Variants in ABCG1 observed in about 807,000 individuals in gnomAD.
ABCG1 encodes the protein ATP-binding cassette sub-family G member 1.
In ABCG1, 29 loss-of-function variants were observed where a neutral mutation model predicts 69.2. The ratio of observed to expected loss-of-function variants is 0.42; its 90% CI spans 0.31 to 0.57. The LOEUF (loss-of-function observed/expected upper bound fraction) is 0.57. Among genes scored for constraint, ABCG1 ranks in the 20% least tolerant of loss-of-function variants. The pLI, the probability that ABCG1 is intolerant of heterozygous loss-of-function variation, is 0.15. For missense variants in ABCG1, 718 were observed against 898.1 expected (o/e 0.80, Z 2.56); for synonymous variants, 370 against 374.8 (o/e 0.99, Z 0.15).
chr21:42,242,837 A>G (rs2068071408), intron 2 of ABCG1, among the ~76,000 whole-genome samples: 1 of 152,130 alleles, frequency 6.6e-6, no homozygotes, highest in Admixed American at 6.5e-5. Flanking sequence ...GAGCTCCACC[A>G]TGGCCCTGAG....
intron 2 of ABCG1, among the ~76,000 whole-genome samples, chr21:42,240,714 C>A (rs901985181): frequency 6.6e-6 from 1 of 152,270 alleles, no homozygotes; most frequent in Non-Finnish European, 1.5e-5. Flanking sequence ...TCCCAAAATG[C>A]TGGGATTACA....
intron 2 of ABCG1, among the ~76,000 whole-genome samples, chr21:42,230,863 A>T (rs989248059): frequency 6.6e-6 from 1 of 152,228 alleles, no homozygotes; most frequent in African/African-American, 2.4e-5. Context: ...GAAACCTGTG[A>T]CATGAGGCTC....
chr21:42,229,458 G>A (rs2067869057), intron 2 of ABCG1, among the ~76,000 whole-genome samples: 2 of 152,192 alleles, frequency 1.3e-5, no homozygotes, highest in African/African-American at 2.4e-5. Flanking sequence ...AGTGGCTCAC[G>A]CCTGTAATCC....
rs1181051194 is a variant in ABCG1 at position 42,284,590 on chromosome 21, G to A, written c.765G>A (p.Val255=). Residue 255 remains valine, a synonymous_variant, in exon 7 of 15, where the codon GTG becomes GTA. Coordinates refer to ENST00000398449, the MANE Select transcript of ABCG1 (RefSeq NM_016818.3). ...SGLDSASCFQ[V]VSLMKGLAQG... ...TGGACAGCGCCTCCTGCTTCCAGGTGGTCTCGCTGATGAAAGGGCTCGCTC... is the reference window on the plus strand; with the variant it reads ...TGGACAGCGCCTCCTGCTTCCAGGTAGTCTCGCTGATGAAAGGGCTCGCTC... The A allele has an allele frequency of 2.2e-5, 35 of 1,613,748 alleles. No individual in the cohort carries two copies. The highest frequency in any genetic ancestry group is 2.9e-5 in the Non-Finnish European group (34 of 1,180,034).
At chr21:42,217,155 C>A (rs373789209), upstream of ABCG1, among the ~76,000 whole-genome samples, 4 of 152,136 alleles carry the variant, frequency 2.6e-5, no homozygotes, top group Non-Finnish European at 5.9e-5. Context: ...GGCCATCCAC[C>A]GGCTGAAGCC....
intron 14 of ABCG1, 110 bp downstream of exon 14, chr21:42,294,770 C>A: frequency 2.1e-6 from 2 of 932,382 alleles, no homozygotes; most frequent in East Asian, 2.4e-5. Flanking sequence ...TGGCCAAGAG[C>A]AGATTACACA....
At chr21:42,228,994 C>T (rs555401071) in intron 2 of ABCG1, among the ~76,000 whole-genome samples, 3 of 152,360 alleles carry the variant, frequency 2.0e-5, no homozygotes, top group African/African-American at 7.2e-5. Flanking sequence ...CCACACGGGT[C>T]GCCACCCTCC....
intron 2 of ABCG1, among the ~76,000 whole-genome samples, chr21:42,235,011 C>CG (rs2067958346): frequency 6.6e-6 from 1 of 152,118 alleles, no homozygotes; most frequent in African/African-American, 2.4e-5. Flanking sequence ...CAGCCCCGAG[C>CG]GGGGTCGCAG....
At chr21:42,277,087 C>A in intron 5 of ABCG1, 142 bp downstream of exon 5, 1 of 825,296 alleles carries the variant, frequency 1.2e-6, no homozygotes, top group Non-Finnish European at 2.0e-6. Context: ...GGACAGGCAA[C>A]ATTTCAGGGA....
chr21:42,248,275 T>C (rs985816468), intron 2 of ABCG1, among the ~76,000 whole-genome samples: 1 of 152,142 alleles, frequency 6.6e-6, no homozygotes, highest in African/African-American at 2.4e-5. Flanking sequence ...GGGGCCTCAT[T>C]AGAGGATTGG....
At chr21:42,278,940 C>T (rs904654863) in intron 5 of ABCG1, among the ~76,000 whole-genome samples, 7 of 152,078 alleles carry the variant, frequency 4.6e-5, no homozygotes, top group Admixed American at 3.9e-4. Flanking sequence ...GAGGAGAGGC[C>T]GGCAAGAGTG....
upstream of ABCG1, among the ~76,000 whole-genome samples, chr21:42,218,086 C>T (rs2067662339): frequency 6.6e-6 from 1 of 152,128 alleles, no homozygotes. Flanking sequence ...AGTCATCTGA[C>T]CTGTGGGTGT....
chr21:42,224,390 G>A (rs957662852), intron 1 of ABCG1, among the ~76,000 whole-genome samples: 26 of 152,158 alleles, frequency 1.7e-4, no homozygotes, highest in Non-Finnish European at 3.5e-4. Context: ...CTTGGAGTCT[G>A]CATCTTATCA....
chr21:42,260,092 C>T, intron 2 of ABCG1: 1 of 1,550,540 alleles, frequency 6.4e-7, no homozygotes, highest in Non-Finnish European at 8.7e-7. Flanking sequence ...GCTCATGGGG[C>T]AGGAAGGGCC....
At chr21:42,261,752 G>A (rs970544544) in intron 2 of ABCG1, among the ~76,000 whole-genome samples, 13 of 152,216 alleles carry the variant, frequency 8.5e-5, no homozygotes, top group African/African-American at 3.1e-4. Flanking sequence ...ACACAGGATG[G>A]CCTCTTGTCC....
At chr21:42,210,820 T>G (rs1236715205) in intron 2 of ABCG1, among the ~76,000 whole-genome samples, 1 of 151,886 alleles carries the variant, frequency 6.6e-6, no homozygotes, top group Non-Finnish European at 1.5e-5. Context: ...GAAGAAGGGG[T>G]CCTCTCTATA....
chr21:42,262,420 C>T (rs115336142), intron 2 of ABCG1, among the ~76,000 whole-genome samples: 1,575 of 152,338 alleles, frequency 0.01, 16 homozygotes, highest in African/African-American at 0.035. Flanking sequence ...GAGCATCTCA[C>T]TGCATCAGCG....
chr21:42,269,561 G>A (rs938122885), intron 2 of ABCG1, among the ~76,000 whole-genome samples: 6 of 152,158 alleles, frequency 3.9e-5, no homozygotes, highest in African/African-American at 1.4e-4. Context: ...CCCTACCCCC[G>A]CTGGGATGAC....
Position 42,282,320 on chromosome 21 carries a change from C to G in ABCG1, c.635C>G (p.Thr212Arg). Residue 212 changes from threonine (T) to arginine (R), a missense_variant, in exon 6 of 15, where the codon ACG (threonine) becomes AGG (arginine). Physicochemically the swap from Thr to Arg is moderately conservative, Grantham distance 71 (BLOSUM62 -1). This residue lies in a region of ABCG1 where 514 missense variants were observed against 574.3 expected (regional missense o/e 0.90). Coordinates refer to ENST00000398449, the MANE Select transcript of ABCG1 (RefSeq NM_016818.3). ...CTGGGCTTGCTGTCTTGCGCCAACA[C>G]GCGGACCGGGAGCCTGTCAGGTGGT... The part of the protein sequence containing the change: ...TALGLLSCAN[T>R]RTGSLSGGQR... The G allele has an allele frequency of 5.6e-6, 9 of 1,613,334 alleles. No individual in the cohort carries two copies. The highest frequency in any genetic ancestry group is 1.1e-5 in the South Asian group (1 of 91,064).
Sources: allele counts gnomAD v4.1 joint callset (sites outside exome capture counted in the v4.1 genomes callset), GRCh38; gene constraint gnomAD v4.1.1; regional missense constraint gnomAD v4.1.1; transcripts MANE v1.5; gene names NCBI Gene and HGNC (gene_info 2026-07-23, HGNC 2026-07-21).